The following SAP130 variants were observed in gnomAD, a reference collection of about 807,000 sequenced individuals.
The protein encoded by SAP130 is histone deacetylase complex subunit SAP130.
In SAP130, 16 loss-of-function variants were observed where a neutral mutation model predicts 103.2. The ratio of observed to expected loss-of-function variants is 0.16; its 90% CI spans 0.10 to 0.24. The LOEUF (loss-of-function observed/expected upper bound fraction) is 0.24, where lower values mean the gene tolerates loss of function less well. Ranked by LOEUF, SAP130 falls within the 10% of genes least tolerant of loss-of-function variation. The pLI is 1.00. For synonymous variants in SAP130, 477 were observed against 497.0 expected (o/e 0.96, Z 0.53); for missense variants, 990 against 1,359.7 (o/e 0.73, Z 4.28).
Position 127,967,203 on chromosome 2 carries a change from C to T in SAP130, c.2063+10782G>A, listed in dbSNP as rs191126537. Among the ~76,000 whole-genome samples the T allele has an allele frequency of 5.9e-5, 9 of 152,336 alleles. No individual in the cohort carries two copies. The East Asian group carries it at 1.7e-3, about 29-fold the overall frequency. ...GCTCTGTTGTGTGACACCGTGCCTA[C>T]AATGAACAACAATGTACATTTTAAC... On this transcript the variant is annotated intron_variant, in intron 15 of 20. Transcript: ENST00000643581.
chr2:127,998,052 G>A (rs1395803878), intron 10 of SAP130, among the ~76,000 whole-genome samples: 1 of 150,980 alleles, frequency 6.6e-6, no homozygotes, highest in East Asian at 1.9e-4. Context: ...AGATTGCAGT[G>A]AGCTGAGAGC....
intron 7 of SAP130, among the ~76,000 whole-genome samples, chr2:128,007,742 G>A (rs1684073569): frequency 6.6e-6 from 1 of 152,204 alleles, no homozygotes; most frequent in Non-Finnish European, 1.5e-5. Context: ...AGGTATTGCT[G>A]TTCATTTAAA....
intron 3 of SAP130, 30 bp from the exon 4 acceptor site, chr2:128,016,577 C>A: frequency 6.3e-7 from 1 of 1,593,268 alleles, no homozygotes; most frequent in South Asian, 1.1e-5. Context: ...CAAAACATAT[C>A]AATGGCCTCA....
In SAP130 at chr2:128,021,496, C is replaced by T. The variant is rs547226518; in HGVS notation, c.113-3581G>A. On this transcript the variant is annotated intron_variant, in intron 2 of 20. Coordinates refer to ENST00000643581, the MANE Select transcript of SAP130 (RefSeq NM_001330301.2). ...AGAGAGGAAAGAAAAGACTGATATA[C>T]GTTTTCTTTTTCACTATATATTGAC... Among the ~76,000 whole-genome samples, 35 of 151,032 alleles carry T rather than the reference C, an allele frequency of 2.3e-4. No homozygotes were observed. The South Asian group carries it at 5.6e-3, about 24-fold the overall frequency.
rs1281280815 is a variant in SAP130 at position 127,942,715 on chromosome 2, G to A, written c.2902-178C>T. 6.6e-5 allele frequency among the ~76,000 whole-genome samples: 10 copies of A among 152,328 alleles called. No homozygotes were observed. Among genetic ancestry groups the A allele is most frequent in the African/African-American group, 1.2e-4 (5 of 41,584 alleles). ...TTTAAAAACAGTAAAGGGGCTGGGC[G>A]CGGTGGCTCACGCCTATAATCCCAG... On this transcript the variant is annotated intron_variant, in intron 19 of 20. Coordinates refer to ENST00000643581, the MANE Select transcript of SAP130 (RefSeq NM_001330301.2). The surrounding 1 kb of genome is among the most constrained non-coding windows in gnomAD (Gnocchi z 4.8).
At chr2:127,948,632 G>A (rs1434666908) in intron 18 of SAP130, among the ~76,000 whole-genome samples, 1 of 151,972 alleles carries the variant, frequency 6.6e-6, no homozygotes, top group African/African-American at 2.4e-5. Context: ...GTGAATCACC[G>A]CGCCTGGCCT....
At chr2:127,965,258 C>T (rs549145115) in intron 15 of SAP130, among the ~76,000 whole-genome samples, 16 of 152,262 alleles carry the variant, frequency 1.1e-4, no homozygotes, top group Admixed American at 8.5e-4. Context: ...GATTGCGCCA[C>T]TGCACTCCAG....
chr2:128,025,003 C>CA (rs35797540), intron 2 of SAP130, among the ~76,000 whole-genome samples: 43,923 of 100,026 alleles, frequency 0.44, 10,003 homozygotes, highest in South Asian at 0.66. Context: ...CCCTATTGCG[C>CA]AAAAAAAAAA....
chr2:128,004,142 G>C (rs1361957109), intron 7 of SAP130, among the ~76,000 whole-genome samples: 2 of 151,632 alleles, frequency 1.3e-5, no homozygotes, highest in Non-Finnish European at 2.9e-5. Flanking sequence ...GGAGGACAAG[G>C]GGATTGTAGG....
chr2:128,000,902 T>C (rs904780634), intron 7 of SAP130, among the ~76,000 whole-genome samples: 3 of 151,404 alleles, frequency 2.0e-5, no homozygotes, highest in Admixed American at 2.0e-4. Flanking sequence ...CTTGTCTACA[T>C]AAAAAATAAA....
At position 127,999,807 on chromosome 2, in the gene SAP130, C is replaced by A; in HGVS notation, c.1147G>T (p.Val383Phe). Residue 383 changes from valine (V) to phenylalanine (F), a missense_variant, in exon 10 of 21, where the codon GTT becomes TTT. Physicochemically the swap from Val to Phe is conservative, Grantham distance 50. Coordinates refer to ENST00000643581, the MANE Select transcript of SAP130 (RefSeq NM_001330301.2). ...SHTQAPTSTI[V>F]TMTVPSHSSH... ...GAATGGGAGGGTACTGTCATGGTAA[C>A]AATGGTACTTGTGGGAGCTTGCGTG... 1 of 1,537,864 alleles carries A rather than the reference C, an allele frequency of 6.5e-7. No individual in the cohort carries two copies. Among genetic ancestry groups the A allele is most frequent in the South Asian group, 1.3e-5 (1 of 77,598 alleles).
chr2:128,002,059 T>C (rs927556297), intron 7 of SAP130, among the ~76,000 whole-genome samples: 4 of 152,066 alleles, frequency 2.6e-5, no homozygotes, highest in Admixed American at 6.5e-5. Context: ...CCTGAGTAGC[T>C]GGGACTACAG....
At position 128,000,221 on chromosome 2, in the gene SAP130, C is replaced by T. The variant is rs775068252; in HGVS notation, c.1018-75G>A. The T allele has an allele frequency of 8.2e-5, 131 of 1,601,344 alleles. No homozygotes were observed. The East Asian group carries it at 8.9e-4, about 11-fold the overall frequency. The stretch of plus-strand genomic sequence containing the variant: ...CCAGGGTAAACACAATCAATGCCTT[C>T]GGTATCACCAGGCCCTCAGCACATT... On this transcript the variant is annotated intron_variant, in intron 8 of 20. Coordinates refer to ENST00000643581, the MANE Select transcript of SAP130 (RefSeq NM_001330301.2).
At chr2:127,997,974 C>G (rs1330285432) in intron 10 of SAP130, among the ~76,000 whole-genome samples, 3 of 151,794 alleles carry the variant, frequency 2.0e-5, no homozygotes, top group African/African-American at 2.4e-5. Flanking sequence ...ATCAGCCAGG[C>G]GTGGTGGTAT....
chr2:127,951,906 G>T (rs1250600323), intron 16 of SAP130, among the ~76,000 whole-genome samples: 1 of 152,112 alleles, frequency 6.6e-6, no homozygotes, highest in Admixed American at 6.6e-5. Flanking sequence ...TACTGAAAAA[G>T]ATAGATGCAA....
intron 2 of SAP130, among the ~76,000 whole-genome samples, chr2:128,018,483 C>CAAAAAAAAAAA (rs759445928): frequency 1.4e-5 from 1 of 69,474 alleles, no homozygotes; most frequent in African/African-American, 6.5e-5. Context: ...AGATTGTCTC[C>CAAAAAAAAAAA]AAAAAAAAAA....
chr2:127,997,954 A>G (rs1049439299), intron 10 of SAP130, among the ~76,000 whole-genome samples: 5 of 152,106 alleles, frequency 3.3e-5, no homozygotes, highest in African/African-American at 9.7e-5. Flanking sequence ...TTTCTACTAA[A>G]AAGACAAAAA....
intron 5 of SAP130, 108 bp from the exon 6 acceptor site, chr2:128,013,262 T>C: frequency 2.9e-6 from 3 of 1,024,502 alleles, no homozygotes; most frequent in Non-Finnish European, 1.4e-6. Flanking sequence ...AGCTGAAGTA[T>C]GGTATGTATA....
At chr2:127,992,895 T>C (rs1682911248) in intron 12 of SAP130, among the ~76,000 whole-genome samples, 1 of 152,188 alleles carries the variant, frequency 6.6e-6, no homozygotes, top group Non-Finnish European at 1.5e-5. Flanking sequence ...GGAAACCCTA[T>C]AAAAGTGCAG....
Sources: allele counts gnomAD v4.1 joint callset (sites outside exome capture counted in the v4.1 genomes callset), GRCh38; gene constraint gnomAD v4.1.1; non-coding constraint Gnocchi (gnomAD v3.1); transcripts MANE v1.5; gene names NCBI Gene and HGNC (gene_info 2026-07-23, HGNC 2026-07-21).